OSBPL2: variants seen among roughly 807,000 people sequenced by gnomAD.
OSBPL2 encodes oxysterol-binding protein-related protein 2.
Under a neutral mutation model 58.4 loss-of-function variants are expected in OSBPL2, and 18 were observed. That is an observed-to-expected ratio of 0.31 (90% CI 0.21 to 0.46). The LOEUF (loss-of-function observed/expected upper bound fraction) is 0.46. Among genes scored for constraint, OSBPL2 ranks in the 20% least tolerant of loss-of-function variants. The pLI, the probability that OSBPL2 is intolerant of heterozygous loss-of-function variation, is 1.00. For synonymous variants in OSBPL2, 221 were observed against 234.1 expected (o/e 0.94, Z 0.51); for missense variants, 461 against 616.5 (o/e 0.75, Z 2.67).
At chr20:62,276,980 G>T (rs1162991789) in intron 6 of OSBPL2, among the ~76,000 whole-genome samples, 1 of 152,260 alleles carries the variant, frequency 6.6e-6, no homozygotes, top group Non-Finnish European at 1.5e-5. Flanking sequence ...CGGGCGTGGT[G>T]GCTCACGCCT....
chr20:62,271,555 G>T (rs553161136), intron 4 of OSBPL2: 1 of 152,968 alleles, frequency 6.5e-6, no homozygotes, highest in East Asian at 1.9e-4. Context: ...GGGTTCAAGC[G>T]ATTCTCCTGC....
Position 62,266,997 on chromosome 20 carries a change from A to G in OSBPL2, c.258+3306A>G, listed in dbSNP as rs73144904. The stretch of plus-strand genomic sequence containing the variant: ...GCCAGGCGTGCGACGGCTCACGCCT[A>G]TAATCACTGTCAGAGGCTGAGGCGA... On this transcript the variant is annotated intron_variant, in intron 4 of 13. Transcript: ENST00000313733. Among the ~76,000 whole-genome samples the G allele has an allele frequency of 2.2e-3, 331 of 152,318 alleles. 2 individuals are homozygous for G. The highest frequency in any genetic ancestry group is 3.9e-3 in the South Asian group (19 of 4,824).
chr20:62,264,145 A>G (rs1981517573), intron 4 of OSBPL2, among the ~76,000 whole-genome samples: 1 of 152,096 alleles, frequency 6.6e-6, no homozygotes, highest in African/African-American at 2.4e-5. Context: ...CAGGAAAAGA[A>G]CAAGCAAGTC....
intron 1 of OSBPL2, chr20:62,242,327 A>C (rs942212696): frequency 6.6e-6 from 1 of 152,226 alleles, no homozygotes; most frequent in Non-Finnish European, 1.5e-5. Context: ...CCAGATTCAG[A>C]AAAGAACTTG....
chr20:62,289,164 C>G, intron 11 of OSBPL2, 43 bp from the exon 12 acceptor site: 1 of 1,609,646 alleles, frequency 6.2e-7, no homozygotes, highest in Non-Finnish European at 8.5e-7. Flanking sequence ...GTCCATGGTT[C>G]AGAGGCCCTG....
At chr20:62,257,135 T>TA (rs752174486) in intron 2 of OSBPL2, among the ~76,000 whole-genome samples, 29 of 152,240 alleles carry the variant, frequency 1.9e-4, no homozygotes, top group Non-Finnish European at 4.0e-4. Flanking sequence ...TCAGGGTCTC[T>TA]ATGGCCATGC....
chr20:62,251,655 G>A (rs1342756460), intron 1 of OSBPL2, among the ~76,000 whole-genome samples: 1 of 151,822 alleles, frequency 6.6e-6, no homozygotes, highest in Non-Finnish European at 1.5e-5. Context: ...TGATCCGCCT[G>A]CCTCGGCCTC....
intron 4 of OSBPL2, among the ~76,000 whole-genome samples, chr20:62,266,285 C>T (rs1981652580): frequency 6.6e-6 from 1 of 152,170 alleles, no homozygotes; most frequent in African/African-American, 2.4e-5. Flanking sequence ...TGGGAGGGGC[C>T]TTGTGGGGCA....
chr20:62,242,282 T>G (rs924852082), intron 1 of OSBPL2: 4 of 152,222 alleles, frequency 2.6e-5, no homozygotes, highest in African/African-American at 9.6e-5. Context: ...CAGCACTGTT[T>G]GCGTGAACTT....
chr20:62,283,264 G>A (rs1982903789), intron 9 of OSBPL2, among the ~76,000 whole-genome samples: 1 of 152,222 alleles, frequency 6.6e-6, no homozygotes, highest in South Asian at 2.1e-4. Flanking sequence ...TGGAGACAGA[G>A]TTGTCCCCAG....
chr20:62,247,477 C>T (rs1388961598), intron 1 of OSBPL2, among the ~76,000 whole-genome samples: 1 of 152,166 alleles, frequency 6.6e-6, no homozygotes, highest in Admixed American at 6.5e-5. Context: ...GGGACTGTAG[C>T]TCCCCGGCCA....
At chr20:62,290,925 A>G (rs1410112728) in intron 12 of OSBPL2, among the ~76,000 whole-genome samples, 1 of 151,666 alleles carries the variant, frequency 6.6e-6, no homozygotes, top group Non-Finnish European at 1.5e-5. Flanking sequence ...TTTAGTAGAG[A>G]CAGGGTTTCA....
intron 12 of OSBPL2, among the ~76,000 whole-genome samples, chr20:62,289,732 C>T (rs1469560178): frequency 2.0e-5 from 3 of 152,036 alleles, no homozygotes; most frequent in African/African-American, 7.2e-5. Flanking sequence ...GGCAAAACTC[C>T]ATCTCTACTA....
chr20:62,251,037 A>ATTTTTT (rs35328509), intron 1 of OSBPL2, among the ~76,000 whole-genome samples: 20 of 97,812 alleles, frequency 2.0e-4, no homozygotes, highest in African/African-American at 3.2e-4. Context: ...AGAGCAATAG[A>ATTTTTT]TTTTTTTTTT....
intron 10 of OSBPL2, chr20:62,286,086 C>T (rs990352637): frequency 6.8e-5 from 11 of 161,470 alleles, no homozygotes; most frequent in Admixed American, 5.9e-4. Flanking sequence ...TGGGGCCCAG[C>T]TCCTCTCCGT....
chr20:62,269,741 C>T lies in OSBPL2; in HGVS notation c.259-2384C>T, dbSNP rs1028068371. ...TTTTCTGCTCATTCTTTCGGGGCTTCCTTCTTTCTCTGCCACGTGTTCTTG... is the reference window on the plus strand; with the variant it reads ...TTTTCTGCTCATTCTTTCGGGGCTTTCTTCTTTCTCTGCCACGTGTTCTTG... On this transcript the variant is annotated intron_variant, in intron 4 of 13. Transcript: ENST00000313733. The surrounding 1 kb of genome is among the most constrained non-coding windows in gnomAD (Gnocchi z 4.2). 5.3e-5 allele frequency among the ~76,000 whole-genome samples: 8 copies of T among 152,244 alleles called. No homozygotes were observed. Among genetic ancestry groups the T allele is most frequent in the Non-Finnish European group, 8.8e-5 (6 of 68,048 alleles).
chr20:62,255,771 C>T (rs1980882447), intron 1 of OSBPL2, among the ~76,000 whole-genome samples: 1 of 152,244 alleles, frequency 6.6e-6, no homozygotes, highest in Non-Finnish European at 1.5e-5. Flanking sequence ...TCCCAAAGTG[C>T]TGGGATTACA....
Position 62,281,047 on chromosome 20 carries a change from T to C in OSBPL2, c.675-11T>C. Reference sequence around the variant, plus strand: ...TGGACTCTCACTGCTTGTTTTCTGGTGTCTTCACAGACATAATGAAGCCTA... The same window carrying C: ...TGGACTCTCACTGCTTGTTTTCTGGCGTCTTCACAGACATAATGAAGCCTA... On this transcript the variant is annotated splice_polypyrimidine_tract_variant and intron_variant, in intron 7 of 13. Transcript: ENST00000313733. The C allele has an allele frequency of 6.2e-7, 1 of 1,600,898 alleles. No homozygotes were observed.
At position 62,280,821 on chromosome 20, in the gene OSBPL2, A is replaced by G. The variant is rs147596273; in HGVS notation, c.675-237A>G. On this transcript the variant is annotated intron_variant, in intron 7 of 13. Transcript: ENST00000313733. ...TTTGTTCAGTCTTCTTTGATTGCTT[A>G]TTAACTTGTCTTGACATTTAAGTAG... Among the ~76,000 whole-genome samples the G allele has an allele frequency of 2.1e-3, 323 of 152,354 alleles. 2 individuals are homozygous for G. The highest frequency in any genetic ancestry group is 6.7e-3 in the African/African-American group (279 of 41,574).
Sources: allele counts gnomAD v4.1 joint callset (sites outside exome capture counted in the v4.1 genomes callset), GRCh38; gene constraint gnomAD v4.1.1; non-coding constraint Gnocchi (gnomAD v3.1); transcripts MANE v1.5; gene names NCBI Gene and HGNC (gene_info 2026-07-23, HGNC 2026-07-21).